Variants in CLINT1 observed in about 807,000 individuals in gnomAD.
The protein encoded by CLINT1 is clathrin interactor 1, also known as clathrin interacting protein localized in the trans-Golgi region.
A neutral mutation model predicts 70.4 loss-of-function variants in CLINT1; 15 were observed. The ratio of observed to expected loss-of-function variants is 0.21; its 90% confidence interval spans 0.14 to 0.33. The LOEUF is 0.33. Ranked by LOEUF, CLINT1 falls within the 10% of genes least tolerant of loss-of-function variation. CLINT1 has a pLI of 1.00. For missense variants in CLINT1, 615 were observed against 778.1 expected (o/e 0.79, Z 2.49); for synonymous variants, 227 against 254.7 (o/e 0.89, Z 1.04).
chr5:157,806,119 G>T lies in CLINT1; in HGVS notation c.696-7C>A, dbSNP rs754323927. On this transcript the variant is annotated splice_polypyrimidine_tract_variant and splice_region_variant and intron_variant, in intron 6 of 11. Transcript: ENST00000411809. ...CTTTTCCTCATCGCTGTCGCTAAAA[G>T]ATATTAAAAATGAAGCAAAATAATA... 6 of 1,611,884 alleles carry T rather than the reference G, an allele frequency of 3.7e-6. No individual in the cohort carries two copies. The highest frequency in any genetic ancestry group is 1.3e-5 in the African/African-American group (1 of 74,724).
intron 7 of CLINT1, among the ~76,000 whole-genome samples, chr5:157,805,023 T>C (rs1561644367): frequency 1.3e-5 from 2 of 152,226 alleles, no homozygotes; most frequent in South Asian, 2.1e-4. Context: ...CAAACTGTTA[T>C]TTAAAATCCT....
At chr5:157,843,460 G>T (rs1753260513) in intron 1 of CLINT1, among the ~76,000 whole-genome samples, 1 of 152,182 alleles carries the variant, frequency 6.6e-6, no homozygotes. Flanking sequence ...AATAGTGGTT[G>T]TTCCTTTTAC....
At chr5:157,841,764 G>A (rs919275674) in intron 1 of CLINT1, among the ~76,000 whole-genome samples, 1 of 152,002 alleles carries the variant, frequency 6.6e-6, no homozygotes, top group Non-Finnish European at 1.5e-5. Context: ...GGGACTATAG[G>A]CGTGCATCAT....
chr5:157,833,745 G>A (rs1391769268), intron 1 of CLINT1, among the ~76,000 whole-genome samples: 1 of 152,082 alleles, frequency 6.6e-6, no homozygotes, highest in African/African-American at 2.4e-5. Flanking sequence ...TTCTGAACCA[G>A]CCTGGGCAAC....
Position 157,791,870 on chromosome 5 carries a change from T to G in CLINT1, c.1213A>C (p.Ser405Arg). 6.2e-7 allele frequency: 1 copy of G among 1,613,938 alleles called. No individual in the cohort carries two copies. The highest frequency in any genetic ancestry group is 8.5e-7 in the Non-Finnish European group (1 of 1,179,868). The change falls in exon 10 of 12, where the codon AGT (serine) becomes CGT (arginine). Residue 405 changes from serine to arginine, a missense_variant. Transcript: ENST00000411809. ...GGGCCTAGAGCTGATTGTGAGCCAC[T>G]AACAAGTTCTACCGCTGGCTGTGAG... ...SASQPAVELVSGSQSALGPPP... is the reference protein window; with the variant it reads ...SASQPAVELVRGSQSALGPPP...
At chr5:157,801,052 A>ATT (rs1762199467) in intron 8 of CLINT1, among the ~76,000 whole-genome samples, 1 of 152,248 alleles carries the variant, frequency 6.6e-6, no homozygotes, top group African/African-American at 2.4e-5. Context: ...AGTTAATTCT[A>ATT]CAGTTCAAAT....
rs957227090 is a variant in CLINT1 at position 157,786,492 on chromosome 5, A to G, written c.*1154T>C. On this transcript the variant is annotated 3_prime_UTR_variant, in exon 12 of 12. Coordinates refer to ENST00000411809, the MANE Select transcript of CLINT1 (RefSeq NM_014666.4). ...TTGCATTCCAAACTCTAGAATCATG[A>G]TTTTCATGTGAGCTTAATGCAGAAT... The G allele has an allele frequency of 5.2e-5, 8 of 152,532 alleles. No homozygotes were observed. The highest frequency in any genetic ancestry group is 3.9e-4 in the Admixed American group (6 of 15,258). The allele number at this position is 152,532 out of a possible 1,614,324, so 9.4% of individuals were successfully genotyped here. A position where few individuals can be genotyped will look rare whatever the true frequency, so the allele number is the denominator to read the frequency against.
intron 1 of CLINT1, among the ~76,000 whole-genome samples, chr5:157,831,014 A>C (rs1283453254): frequency 2.6e-5 from 4 of 151,458 alleles, no homozygotes; most frequent in Admixed American, 2.6e-4. Flanking sequence ...ACTACACTCC[A>C]GACTAGATGA....
chr5:157,853,405 C>T (rs768667568), intron 1 of CLINT1, among the ~76,000 whole-genome samples: 6 of 150,790 alleles, frequency 4.0e-5, no homozygotes, highest in African/African-American at 9.8e-5. Context: ...TATTGTGAAA[C>T]CTTGGATTAC....
chr5:157,814,427 G>A, intron 3 of CLINT1, 134 bp from the exon 4 acceptor site: 1 of 622,484 alleles, frequency 1.6e-6, no homozygotes. Context: ...CTTTACATTA[G>A]ACTTTAAACA....
At chr5:157,839,910 A>G (rs1022309359) in intron 1 of CLINT1, among the ~76,000 whole-genome samples, 1 of 152,126 alleles carries the variant, frequency 6.6e-6, no homozygotes, top group Admixed American at 6.6e-5. Context: ...TCTTTGTACC[A>G]GAAGCTAAGG....
chr5:157,819,040 T>G (rs1762804521), intron 1 of CLINT1, among the ~76,000 whole-genome samples: 1 of 152,204 alleles, frequency 6.6e-6, no homozygotes, highest in Non-Finnish European at 1.5e-5. Flanking sequence ...ATATGGTTTT[T>G]CAGTCATCAA....
chr5:157,809,838 A>G (rs767209469), intron 5 of CLINT1, 33 bp from the exon 6 acceptor site: 6 of 1,581,990 alleles, frequency 3.8e-6, no homozygotes, highest in Non-Finnish European at 4.3e-6. Flanking sequence ...AAGCAATTCT[A>G]ACGACATTAA....
chr5:157,817,248 G>A (rs889604668), intron 2 of CLINT1, among the ~76,000 whole-genome samples, 195 bp downstream of exon 2: 1 of 151,954 alleles, frequency 6.6e-6, no homozygotes, highest in Non-Finnish European at 1.5e-5. Context: ...TCTTTTTTGA[G>A]CCAAATTTTT....
intron 1 of CLINT1, among the ~76,000 whole-genome samples, chr5:157,818,303 C>T (rs988999418): frequency 2.6e-5 from 4 of 151,976 alleles, no homozygotes; most frequent in African/African-American, 9.6e-5. Flanking sequence ...ATCTCAGTTT[C>T]CTCAACCAAT....
intron 9 of CLINT1, among the ~76,000 whole-genome samples, chr5:157,792,263 A>T (rs1014113851): frequency 6.6e-6 from 1 of 151,988 alleles, no homozygotes; most frequent in South Asian, 2.1e-4. Context: ...CATAAAAAAA[A>T]ATGGCCAGGC....
intron 6 of CLINT1, 39 bp downstream of exon 6, chr5:157,809,589 C>T (rs1554099343): frequency 6.8e-7 from 1 of 1,471,524 alleles, no homozygotes; most frequent in Admixed American, 2.4e-5. Flanking sequence ...AAATTTAGGG[C>T]TCTTTCTAAG....
In CLINT1 at chr5:157,793,053, G is replaced by A. The variant is rs1027628040; in HGVS notation, c.1088-1058C>T. 2.0e-5 allele frequency among the ~76,000 whole-genome samples: 3 copies of A among 152,228 alleles called. No individual in the cohort carries two copies. The East Asian group carries it at 5.8e-4, about 29-fold the overall frequency. On this transcript the variant is annotated intron_variant, in intron 9 of 11. Coordinates refer to ENST00000411809, the MANE Select transcript of CLINT1 (RefSeq NM_014666.4). ...CTAAATATCAAAAGAGAATAATAAG[G>A]TGAAGTCTTTAAAATTACATTCTTC...
Position 157,815,120 on chromosome 5 carries a change from T to TACACACACAC in CLINT1, c.244-837_244-828dup, listed in dbSNP as rs150242169. ...TTTGCAAAATAGACATCTTCACACA[T>TACACACACAC]ACACACACACACACACACACACACA... On this transcript the variant is annotated intron_variant, in intron 3 of 11. Transcript: ENST00000411809. 6.1e-3 allele frequency among the ~76,000 whole-genome samples: 868 copies of TACACACACAC among 142,186 alleles called. 11 individuals carry two copies. Among genetic ancestry groups the TACACACACAC allele is most frequent in the African/African-American group, 0.02 (792 of 39,244 alleles). The allele number at this position is 142,186 out of a possible 152,430, so 93.3% of individuals were successfully genotyped here.
Sources: gnomAD v4.1 joint callset for allele counts (sites outside exome capture counted in the v4.1 genomes callset) on GRCh38, gnomAD v4.1.1 for gene constraint, MANE v1.5 for transcripts, NCBI Gene and HGNC (gene_info 2026-07-23, HGNC 2026-07-21) for gene names.